Variants in RPRD1A observed in about 807,000 individuals in gnomAD.
The protein encoded by RPRD1A is regulation of nuclear pre-mRNA domain-containing protein 1A.
Under a neutral mutation model 37.8 loss-of-function variants are expected in RPRD1A, and 9 were observed. The observed-to-expected ratio is 0.24, with a 90% confidence interval of 0.14 to 0.42. The LOEUF is 0.42. RPRD1A is among the 10% of genes least tolerant of loss of function. The pLI, the probability that RPRD1A is intolerant of heterozygous loss-of-function variation, is 1.00. For missense variants in RPRD1A, 255 were observed against 371.0 expected (o/e 0.69, Z 2.57); for synonymous variants, 138 against 139.7 (o/e 0.99, Z 0.08).
intron 6 of RPRD1A, among the ~76,000 whole-genome samples, chr18:36,024,179 G>C (rs1469045632): frequency 1.3e-5 from 2 of 151,954 alleles, no homozygotes. Flanking sequence ...TGGAGTCTCG[G>C]TCTGTCGCCC....
chr18:36,034,174 T>C (rs905342602), intron 1 of RPRD1A, among the ~76,000 whole-genome samples: 4 of 152,208 alleles, frequency 2.6e-5, no homozygotes, highest in Non-Finnish European at 5.9e-5. Flanking sequence ...GAATTTAGGA[T>C]TGTTTTAATA....
At position 36,053,235 on chromosome 18, in the gene RPRD1A, T is replaced by C. The variant is rs201392826; in HGVS notation, c.151+14019A>G. ...TTAAAGCATACAATTCAGGGGTTTT[T>C]AGTGCATTTGTAAGGTTATGTAACC... On this transcript the variant is annotated intron_variant, in intron 1 of 6. Transcript: ENST00000399022. Among the ~76,000 whole-genome samples, 5 of 152,324 alleles carry C rather than the reference T, an allele frequency of 3.3e-5. No individual in the cohort carries two copies. The East Asian group carries it at 9.6e-4, about 29-fold the overall frequency.
At chr18:36,008,661 GTA>G (rs1909972992) in intron 6 of RPRD1A, among the ~76,000 whole-genome samples, 1 of 145,742 alleles carries the variant, frequency 6.9e-6, no homozygotes, top group Admixed American at 7.0e-5. Context: ...CTGAAATTCT[GTA>G]TGTTTTTATA....
chr18:36,008,575 G>GTGTGTGTGTGTA (rs1555670677), intron 6 of RPRD1A, among the ~76,000 whole-genome samples: 11 of 42,378 alleles, frequency 2.6e-4, no homozygotes, highest in South Asian at 2.5e-3. Flanking sequence ...GACCTTGTGT[G>GTGTGTGTGTGTA]TGTATATATA....
At chr18:36,044,791 C>G (rs1912838149) in intron 1 of RPRD1A, among the ~76,000 whole-genome samples, 1 of 151,846 alleles carries the variant, frequency 6.6e-6, no homozygotes, top group Non-Finnish European at 1.5e-5. Flanking sequence ...TCTTGGCACG[C>G]TACAAAGGAT....
intron 1 of RPRD1A, among the ~76,000 whole-genome samples, chr18:36,041,656 T>C (rs1003872263): frequency 2.0e-5 from 3 of 152,244 alleles, no homozygotes; most frequent in Admixed American, 6.5e-5. Flanking sequence ...CCAAAACCTA[T>C]AGATTCTAAC....
rs188476060 is a variant in RPRD1A, at chr18:36,002,320, G to C, written c.790-9020C>G. The stretch of plus-strand genomic sequence containing the variant: ...TTCTTTTCCATTCTGTTTTCACTTT[G>C]CATTTCAGTTTGGGAAGTTTCTATA... On this transcript the variant is annotated intron_variant, in intron 6 of 6. Transcript: ENST00000399022. Among the ~76,000 whole-genome samples the C allele has an allele frequency of 1.2e-3, 177 of 152,180 alleles. 1 individual carries two copies. The East Asian group carries it at 0.016, about 14-fold the overall frequency.
chr18:35,997,579 G>A (rs1909151061), intron 6 of RPRD1A, among the ~76,000 whole-genome samples: 1 of 152,162 alleles, frequency 6.6e-6, no homozygotes, highest in Non-Finnish European at 1.5e-5. Flanking sequence ...AGCAGAGAAT[G>A]TAAATAAAAT....
Position 36,031,115 on chromosome 18 carries a change from GAA to G in RPRD1A, c.282-20_282-19del. The G allele has an allele frequency of 7.4e-7, 1 of 1,356,572 alleles. No homozygotes were observed. The highest frequency in any genetic ancestry group is 1.5e-5 in the South Asian group (1 of 64,942). The allele number at this position is 1,356,572 out of a possible 1,614,324, so 84.0% of individuals were successfully genotyped here. On this transcript the variant is annotated intron_variant, in intron 2 of 6. Transcript: ENST00000399022. ...CAGTTTCACTAAAAAAAAAAAAAAAGAAAAAAAGAAAAATGTTAACAGTAACA... is the reference window on the plus strand; with the variant it reads ...CAGTTTCACTAAAAAAAAAAAAAAAGAAAAAGAAAAATGTTAACAGTAACA...
intron 4 of RPRD1A, among the ~76,000 whole-genome samples, chr18:36,029,500 T>A (rs1271744013): frequency 6.6e-6 from 1 of 152,152 alleles, no homozygotes; most frequent in Admixed American, 6.5e-5. Context: ...TTCTAACCCA[T>A]GAAAATACAT....
chr18:36,064,456 T>G (rs554761721), intron 1 of RPRD1A: 1 of 152,316 alleles, frequency 6.6e-6, no homozygotes, highest in Non-Finnish European at 1.5e-5. Flanking sequence ...TAAAGGATTG[T>G]AAACGCACCA....
At chr18:36,042,584 G>A (rs569602565) in intron 1 of RPRD1A, among the ~76,000 whole-genome samples, 121 of 152,254 alleles carry the variant, frequency 7.9e-4, no homozygotes, top group African/African-American at 2.7e-3. Context: ...TCATTCGTAC[G>A]TTTTTTAAAT....
chr18:36,022,835 AC>A (rs1911080927), intron 6 of RPRD1A, among the ~76,000 whole-genome samples: 1 of 152,206 alleles, frequency 6.6e-6, no homozygotes. Context: ...GGTGGCACAC[AC>A]CTGCAGTCCT....
rs1402192389 is a variant in RPRD1A, at chr18:36,067,435, G to A, written c.-31C>T. The A allele has an allele frequency of 2.0e-5, 32 of 1,592,702 alleles. No homozygotes were observed. Among genetic ancestry groups the A allele is most frequent in the Non-Finnish European group, 2.7e-5 (31 of 1,169,052 alleles). On this transcript the variant is annotated 5_prime_UTR_variant, in exon 1 of 7. Coordinates refer to ENST00000399022, the MANE Select transcript of RPRD1A (RefSeq NM_018170.5). ...CGACACCACGTTCACGCCGTCCCAC[G>A]CGGTGGGGCCGAGGGGAGGAGAGTT...
intron 1 of RPRD1A, among the ~76,000 whole-genome samples, chr18:36,053,145 A>G (rs567739501): frequency 1.3e-5 from 2 of 152,310 alleles, no homozygotes; most frequent in East Asian, 3.9e-4. Context: ...GACACATTAA[A>G]GTACAAGATA....
At chr18:36,002,141 G>T (rs904084345) in intron 6 of RPRD1A, among the ~76,000 whole-genome samples, 1 of 152,070 alleles carries the variant, frequency 6.6e-6, no homozygotes, top group Non-Finnish European at 1.5e-5. Context: ...TGGATCAGTG[G>T]TTGGGTGTCT....
At chr18:36,023,039 T>C (rs1911115205) in intron 6 of RPRD1A, among the ~76,000 whole-genome samples, 1 of 152,252 alleles carries the variant, frequency 6.6e-6, no homozygotes, top group Non-Finnish European at 1.5e-5. Context: ...ACAATGTGAC[T>C]AGTGTTCATG....
chr18:36,041,934 G>A (rs1290877228), intron 1 of RPRD1A, among the ~76,000 whole-genome samples: 2 of 152,236 alleles, frequency 1.3e-5, no homozygotes, highest in Non-Finnish European at 2.9e-5. Flanking sequence ...GGAGGTCTCA[G>A]ATTTGGCAGC....
chr18:36,067,169 G>A, intron 1 of RPRD1A, 85 bp downstream of exon 1: 1 of 1,415,372 alleles, frequency 7.1e-7, no homozygotes, highest in Non-Finnish European at 9.5e-7. Context: ...CCGGGAAGCC[G>A]GGGGCGCTGG....
Sources: allele counts gnomAD v4.1 joint callset (sites outside exome capture counted in the v4.1 genomes callset), GRCh38; gene constraint gnomAD v4.1.1; transcripts MANE v1.5; gene names NCBI Gene and HGNC (gene_info 2026-07-23, HGNC 2026-07-21).